MCU: variants seen among roughly 807,000 people sequenced by gnomAD.
MCU encodes the protein mitochondrial calcium uniporter.
Under a neutral mutation model 45.2 loss-of-function variants are expected in MCU, and 12 were observed. The ratio of observed to expected loss-of-function variants is 0.27; its 90% CI spans 0.17 to 0.43. The LOEUF is 0.43. MCU is among the 20% of genes least tolerant of loss of function. MCU has a pLI of 1.00. For missense variants in MCU, 324 were observed against 436.7 expected (o/e 0.74, Z 2.30); for synonymous variants, 160 against 165.1 (o/e 0.97, Z 0.24).
chr10:72,764,798 A>G (rs1447513365), intron 1 of MCU, among the ~76,000 whole-genome samples: 1 of 152,186 alleles, frequency 6.6e-6, no homozygotes, highest in African/African-American at 2.4e-5. Flanking sequence ...GGCTATATTA[A>G]GAGAATAGGA....
intron 1 of MCU, among the ~76,000 whole-genome samples, chr10:72,790,583 A>G (rs1182870465): frequency 7.9e-5 from 12 of 152,190 alleles, no homozygotes; most frequent in Non-Finnish European, 1.5e-5. Context: ...GGAGATGATG[A>G]TATAAAAGGT....
chr10:72,726,256 C>CATGTGTGT (rs112936516), intron 1 of MCU, among the ~76,000 whole-genome samples: 1 of 145,586 alleles, frequency 6.9e-6, no homozygotes, highest in African/African-American at 2.5e-5. Context: ...CACACACACA[C>CATGTGTGT]GTGTGTGTGT....
intron 2 of MCU, among the ~76,000 whole-genome samples, chr10:72,854,598 A>G (rs1845259305): frequency 6.6e-6 from 1 of 152,224 alleles, no homozygotes; most frequent in Admixed American, 6.5e-5. Context: ...GATGTATAAC[A>G]TAGAGCAGAA....
chr10:72,844,004 C>T (rs1845083525), intron 2 of MCU, among the ~76,000 whole-genome samples: 1 of 152,176 alleles, frequency 6.6e-6, no homozygotes, highest in Non-Finnish European at 1.5e-5. Flanking sequence ...GTAATCCTAG[C>T]ACTTCGGGAG....
chr10:72,833,365 A>G (rs1015124367), intron 1 of MCU, among the ~76,000 whole-genome samples: 1 of 152,232 alleles, frequency 6.6e-6, no homozygotes, highest in Admixed American at 6.5e-5. Flanking sequence ...ATTTATTTAA[A>G]TTGTTTATAA....
At chr10:72,793,266 C>G (rs532084540) in intron 1 of MCU, among the ~76,000 whole-genome samples, 1 of 152,256 alleles carries the variant, frequency 6.6e-6, no homozygotes, top group East Asian at 1.9e-4. Context: ...GAGCCTGCCT[C>G]AAATCCTCAG....
intron 2 of MCU, among the ~76,000 whole-genome samples, chr10:72,838,949 A>G (rs1845002568): frequency 6.6e-6 from 1 of 151,344 alleles, no homozygotes; most frequent in Admixed American, 6.6e-5. Flanking sequence ...TTCACATACC[A>G]TAAAATTTAC....
chr10:72,852,107 G>A (rs1845216051), intron 2 of MCU, among the ~76,000 whole-genome samples: 4 of 152,060 alleles, frequency 2.6e-5, no homozygotes, highest in Admixed American at 2.6e-4. Context: ...TACAGAAAGG[G>A]GATAATTGGA....
At chr10:72,831,568 T>C (rs886465277) in intron 1 of MCU, among the ~76,000 whole-genome samples, 3 of 152,184 alleles carry the variant, frequency 2.0e-5, no homozygotes, top group Admixed American at 6.5e-5. Flanking sequence ...TCAAGCACTG[T>C]CAGTGACCAA....
At chr10:72,848,718 A>G (rs544013506) in intron 2 of MCU, among the ~76,000 whole-genome samples, 7 of 115,944 alleles carry the variant, frequency 6.0e-5, no homozygotes, top group African/African-American at 1.5e-4. Flanking sequence ...GTATTGAGAT[A>G]TATGTTTGTG....
At chr10:72,781,685 G>A (rs114790880) in intron 1 of MCU, among the ~76,000 whole-genome samples, 37 of 152,314 alleles carry the variant, frequency 2.4e-4, no homozygotes, top group Admixed American at 6.5e-4. Context: ...TAATTCCTAG[G>A]TGAAGAATGA....
At position 72,845,377 on chromosome 10, in the gene MCU, G is replaced by A. The variant is rs532600722; in HGVS notation, c.220+10949G>A. Among the ~76,000 whole-genome samples, 100 of 152,162 alleles carry A rather than the reference G, an allele frequency of 6.6e-4. 1 individual carries two copies. Among genetic ancestry groups the A allele is most frequent in the Non-Finnish European group, 7.9e-4 (54 of 67,976 alleles). On this transcript the variant is annotated intron_variant, in intron 2 of 7. Transcript: ENST00000373053. ...TAGCCTTATTTTTATTTATAATAGG[G>A]GGAAAATCTGGTTTTTCGATATATA...
chr10:72,824,300 G>A (rs1294578207), intron 1 of MCU, among the ~76,000 whole-genome samples: 2 of 150,590 alleles, frequency 1.3e-5, no homozygotes, highest in African/African-American at 2.4e-5. Flanking sequence ...AGGTTCAAGC[G>A]ATTCTCTTGC....
At chr10:72,802,409 T>TAAAA (rs369833125) in intron 1 of MCU, among the ~76,000 whole-genome samples, 1 of 136,404 alleles carries the variant, frequency 7.3e-6, no homozygotes. Flanking sequence ...GAGCTTTCTT[T>TAAAA]AAAAAAAAAA....
At chr10:72,776,484 A>C (rs1843896056) in intron 1 of MCU, among the ~76,000 whole-genome samples, 1 of 152,230 alleles carries the variant, frequency 6.6e-6, no homozygotes, top group South Asian at 2.1e-4. Flanking sequence ...TTGTTTCAAC[A>C]GATGCTGAAA....
chr10:72,713,164 T>C (rs1487974165), intron 1 of MCU, among the ~76,000 whole-genome samples: 2 of 152,176 alleles, frequency 1.3e-5, no homozygotes, highest in Non-Finnish European at 2.9e-5. Flanking sequence ...TAATTAGGGG[T>C]GGTATAATAG....
intron 1 of MCU, among the ~76,000 whole-genome samples, chr10:72,765,230 T>C (rs563830901): frequency 1.3e-5 from 2 of 152,310 alleles, no homozygotes; most frequent in South Asian, 2.1e-4. Context: ...TATTTGATTG[T>C]TTAGAAATGT....
At chr10:72,704,783 C>T (rs1369914121) in intron 1 of MCU, among the ~76,000 whole-genome samples, 6 of 144,464 alleles carry the variant, frequency 4.2e-5, no homozygotes, top group African/African-American at 1.3e-4. Context: ...GGCGCGATCT[C>T]GACTCACTGC....
chr10:72,710,698 C>T (rs992901102), intron 1 of MCU, among the ~76,000 whole-genome samples: 5 of 151,756 alleles, frequency 3.3e-5, no homozygotes, highest in Non-Finnish European at 7.4e-5. Flanking sequence ...ATATAATATA[C>T]AACCTTTAGC....
Sources: gnomAD v4.1 joint callset for allele counts (sites outside exome capture counted in the v4.1 genomes callset) on GRCh38, gnomAD v4.1.1 for gene constraint, MANE v1.5 for transcripts, NCBI Gene and HGNC (gene_info 2026-07-23, HGNC 2026-07-21) for gene names.